Variants in FRMD3 observed in about 807,000 individuals in gnomAD.
FRMD3 encodes the protein FERM domain containing 3.
Under a neutral mutation model 70.2 loss-of-function variants are expected in FRMD3, and 33 were observed. The ratio of observed to expected loss-of-function variants is 0.47; its 90% CI spans 0.36 to 0.63. The LOEUF (loss-of-function observed/expected upper bound fraction) is 0.63. Among genes scored for constraint, FRMD3 ranks in the 20% least tolerant of loss-of-function variants. FRMD3 has a pLI of 0.00. For missense variants in FRMD3, 632 were observed against 711.4 expected (o/e 0.89, Z 1.27); for synonymous variants, 279 against 255.9 (o/e 1.09, Z -0.86).
intron 13 of FRMD3, among the ~76,000 whole-genome samples, chr9:83,250,183 GCA>G (rs1832333898): frequency 6.6e-6 from 1 of 152,162 alleles, no homozygotes; most frequent in Non-Finnish European, 1.5e-5. Context: ...CCTGGAAGAT[GCA>G]CAGAAGCAAA....
chr9:83,456,478 A>G (rs1295660138), intron 1 of FRMD3, among the ~76,000 whole-genome samples: 2 of 152,218 alleles, frequency 1.3e-5, no homozygotes, highest in Non-Finnish European at 2.9e-5. Flanking sequence ...TTTGGTAGCT[A>G]TTACAAAAGT....
In FRMD3 at chr9:83,363,781, C is replaced by T. The variant is rs1250035185; in HGVS notation, c.295+9132G>A. On this transcript the variant is annotated intron_variant, in intron 3 of 13. Transcript: ENST00000304195. Reference sequence around the variant, plus strand: ...ATGTTAGCCAGGATGGTCTCGATCTCCTGACCTCGTGATCCGCCCACCTTG... The same window carrying T: ...ATGTTAGCCAGGATGGTCTCGATCTTCTGACCTCGTGATCCGCCCACCTTG... 2.6e-5 allele frequency among the ~76,000 whole-genome samples: 4 copies of T among 152,118 alleles called. No homozygotes were observed. In the South Asian group the frequency reaches 8.3e-4, roughly 32 times the overall value.
At chr9:83,278,159 G>T (rs1833855528) in intron 13 of FRMD3, among the ~76,000 whole-genome samples, 1 of 152,196 alleles carries the variant, frequency 6.6e-6, no homozygotes, top group African/African-American at 2.4e-5. Context: ...AGACCAGAGA[G>T]AAGACCCTCC....
intron 10 of FRMD3, among the ~76,000 whole-genome samples, chr9:83,301,842 CAGT>C (rs1834940113): frequency 6.6e-6 from 1 of 152,226 alleles, no homozygotes; most frequent in Admixed American, 6.5e-5. Flanking sequence ...CAAAGATGGC[CAGT>C]AGCTGTATGC....
chr9:83,382,557 G>A (rs1825390427), intron 2 of FRMD3, among the ~76,000 whole-genome samples: 1 of 152,136 alleles, frequency 6.6e-6, no homozygotes, highest in Non-Finnish European at 1.5e-5. Flanking sequence ...ATTTGCCCTG[G>A]TCTTCATGAT....
chr9:83,509,689 G>A (rs975554482), intron 1 of FRMD3, among the ~76,000 whole-genome samples: 62 of 152,148 alleles, frequency 4.1e-4, no homozygotes, highest in African/African-American at 1.3e-3. Flanking sequence ...CAACAAAACA[G>A]TTCCAAGGAT....
intron 6 of FRMD3, among the ~76,000 whole-genome samples, chr9:83,324,164 T>C (rs775561256): frequency 2.0e-5 from 3 of 152,310 alleles, no homozygotes; most frequent in South Asian, 2.1e-4. Context: ...ATCTCATAAA[T>C]ACAATGTTGC....
intron 1 of FRMD3, among the ~76,000 whole-genome samples, chr9:83,430,258 C>G (rs1360216772): frequency 6.6e-6 from 1 of 152,108 alleles, no homozygotes; most frequent in African/African-American, 2.4e-5. Context: ...AAACACAACC[C>G]TTGTCCCACG....
chr9:83,322,415 C>T (rs930339045), intron 6 of FRMD3, among the ~76,000 whole-genome samples: 6 of 152,184 alleles, frequency 3.9e-5, no homozygotes, highest in African/African-American at 1.4e-4. Context: ...ACTCACATCT[C>T]AGTCTCAACA....
intron 1 of FRMD3, among the ~76,000 whole-genome samples, chr9:83,452,494 T>G (rs10868012): frequency 0.27 from 40,407 of 152,076 alleles, 5,431 homozygotes; most frequent in African/African-American, 0.29. Context: ...TGTTGTTGTT[T>G]TTTTTGAGAC....
intron 13 of FRMD3, among the ~76,000 whole-genome samples, chr9:83,259,643 C>A (rs373520080): frequency 2.0e-5 from 3 of 152,120 alleles, no homozygotes; most frequent in South Asian, 2.1e-4. Context: ...AGTTACACCT[C>A]AGGATGGTAG....
the FRMD3 span, among the ~76,000 whole-genome samples, chr9:83,585,108 T>C: frequency 6.6e-6 from 1 of 152,082 alleles, no homozygotes; most frequent in Non-Finnish European, 1.5e-5. Context: ...TATGTCTGGG[T>C]TGTAAACTTT....
chr9:83,422,458 C>T (rs569047576), intron 1 of FRMD3, among the ~76,000 whole-genome samples: 86 of 152,238 alleles, frequency 5.6e-4, no homozygotes, highest in African/African-American at 1.9e-3. Flanking sequence ...AAACATAAGG[C>T]GATGACAAGC....
At chr9:83,338,170 T>C (rs1399436868) in intron 5 of FRMD3, among the ~76,000 whole-genome samples, 1 of 151,990 alleles carries the variant, frequency 6.6e-6, no homozygotes, top group Non-Finnish European at 1.5e-5. Context: ...CTCAAACTCA[T>C]GAATAATTAG....
chr9:83,330,576 C>T (rs1042616795), intron 6 of FRMD3, among the ~76,000 whole-genome samples: 17 of 152,164 alleles, frequency 1.1e-4, no homozygotes, highest in African/African-American at 3.4e-4. Context: ...AAATTGATTC[C>T]ATACCTGGTC....
In FRMD3 at chr9:83,538,249, A is replaced by G. The variant is rs774980288; in HGVS notation, c.-18T>C. 6.5e-7 allele frequency: 1 copy of G among 1,547,424 alleles called. No individual in the cohort carries two copies. On this transcript the variant is annotated 5_prime_UTR_variant, in exon 1 of 14. Coordinates refer to ENST00000304195, the MANE Select transcript of FRMD3 (RefSeq NM_174938.6). The surrounding 1 kb of genome is among the most constrained non-coding windows in gnomAD (Gnocchi z 4.7). ...GCGAACATGCACCGCGGCCGTGGGG[A>G]GCGAGCGGGAGGCTCAGGGCCGGCG...
At chr9:83,568,955 G>GATACATACATACATACATACATAC in the FRMD3 span, among the ~76,000 whole-genome samples, 1 of 130,748 alleles carries the variant, frequency 7.6e-6, no homozygotes, top group African/African-American at 2.9e-5. Flanking sequence ...TAGATAGATA[G>GATACATACATACATACATACATAC]ATACATACAT....
chr9:83,278,231 G>A (rs1398764954), intron 13 of FRMD3, among the ~76,000 whole-genome samples: 1 of 152,216 alleles, frequency 6.6e-6, no homozygotes, highest in African/African-American at 2.4e-5. Context: ...GCCTATTCAA[G>A]GGAGAACGGG....
intron 1 of FRMD3, among the ~76,000 whole-genome samples, chr9:83,450,547 G>A (rs1827624836): frequency 6.6e-6 from 1 of 151,980 alleles, no homozygotes; most frequent in Admixed American, 6.6e-5. Context: ...TTGCCCAAAA[G>A]GCAGTGAAAG....
Sources: allele counts gnomAD v4.1 joint callset (sites outside exome capture counted in the v4.1 genomes callset), GRCh38; gene constraint gnomAD v4.1.1; non-coding constraint Gnocchi (gnomAD v3.1); transcripts MANE v1.5; gene names NCBI Gene and HGNC (gene_info 2026-07-23, HGNC 2026-07-21).